FGD2: variants seen among roughly 807,000 people sequenced by gnomAD.
FGD2 encodes FYVE, RhoGEF and PH domain-containing protein 2.
Under a neutral mutation model 75.9 loss-of-function variants are expected in FGD2, and 52 were observed. The ratio of observed to expected loss-of-function variants is 0.69; its 90% CI spans 0.55 to 0.86. FGD2 has a LOEUF of 0.86. Ranked by LOEUF, FGD2 falls within the 40% of genes least tolerant of loss-of-function variation. The pLI, the probability that FGD2 is intolerant of heterozygous loss-of-function variation, is 0.00. For missense variants in FGD2, 790 were observed against 872.0 expected, an observed-to-expected ratio of 0.91 and a Z score of 1.18; for synonymous variants, 347 against 348.6, an observed-to-expected ratio of 1.00 and a Z score of 0.05.
chr6:37,026,045 A>G (rs1360987492), intron 14 of FGD2, 107 bp downstream of exon 14: 16 of 1,498,038 alleles, frequency 1.1e-5, no homozygotes, highest in Non-Finnish European at 1.3e-5. Context: ...CAAGCCAGCC[A>G]TGGTCACACC....
chr6:37,016,324 G>A (rs1361490391), intron 9 of FGD2, among the ~76,000 whole-genome samples: 1 of 152,146 alleles, frequency 6.6e-6, no homozygotes. Flanking sequence ...ATCCTGGGCA[G>A]TGTATGCTGA....
In FGD2 at chr6:37,008,870, G is replaced by A. The variant is rs1426569365; in HGVS notation, c.105G>A (p.Glu35=). The change falls in exon 2 of 16, where the codon GAG becomes GAA. Residue 35 remains glutamate (E), a synonymous_variant. Transcript: ENST00000274963. ...CAGCACCCAGAGGCCAGAGGCTAGA[G>A]GACGTGCATCACCGCCCTGAGTGCA... ...PEAAPRGQRL[E]DVHHRPECRP... 3 of 1,612,148 alleles carry A rather than the reference G, an allele frequency of 1.9e-6. No individual in the cohort carries two copies. The highest frequency in any genetic ancestry group is 2.5e-6 in the Non-Finnish European group (3 of 1,178,644).
intron 11 of FGD2, 65 bp downstream of exon 11, chr6:37,020,804 C>A: frequency 3.2e-6 from 5 of 1,545,464 alleles, no homozygotes; most frequent in Non-Finnish European, 4.4e-6. Context: ...TTTTTTCTTT[C>A]TTGGTACTAG....
intron 13 of FGD2, chr6:37,024,096 T>C (rs1220372457): frequency 6.6e-6 from 1 of 152,138 alleles, no homozygotes; most frequent in Non-Finnish European, 1.5e-5. Context: ...ATCCCAGCAC[T>C]TTGGGAGGCC....
At chr6:37,016,673 G>C (rs530607654) in intron 9 of FGD2, among the ~76,000 whole-genome samples, 6 of 151,760 alleles carry the variant, frequency 4.0e-5, no homozygotes, top group Admixed American at 3.9e-4. Context: ...AGCTGGGACT[G>C]TAGGCGCGAG....
At chr6:37,018,797 T>A (rs74604809) in intron 9 of FGD2, among the ~76,000 whole-genome samples, 2,488 of 152,344 alleles carry the variant, frequency 0.016, 24 homozygotes, top group Middle Eastern at 0.037. Flanking sequence ...TCCAACAATA[T>A]CTAGGTATTA....
chr6:37,024,737 C>G (rs1006534628), intron 13 of FGD2: 5 of 152,214 alleles, frequency 3.3e-5, no homozygotes, highest in African/African-American at 7.2e-5. Flanking sequence ...CCGTGTGGGG[C>G]TGTGCCCTGA....
In FGD2 at chr6:37,028,069, C is replaced by T. The variant is rs759208124; in HGVS notation, c.1874C>T (p.Thr625Met). 1.9e-6 allele frequency: 3 copies of T among 1,613,840 alleles called. No homozygotes were observed. The highest frequency in any genetic ancestry group is 2.2e-5 in the East Asian group (1 of 44,868). ...SGQLYTFKAE[T>M]EELKGRWVKA... Reference sequence around the variant, plus strand: ...CAGCTCTACACCTTCAAGGCCGAGACGGAGGAGCTGAAGGGCCGCTGGGTG... The same window carrying T: ...CAGCTCTACACCTTCAAGGCCGAGATGGAGGAGCTGAAGGGCCGCTGGGTG... Residue 625 changes from threonine to methionine, a missense_variant, in exon 16 of 16, where the codon ACG (threonine) becomes ATG (methionine). Transcript: ENST00000274963.
rs831502 is a variant in FGD2, at chr6:37,021,615, G to T, written c.1326+11G>T. The T allele has an allele frequency of 1.2e-6, 2 of 1,610,494 alleles. No individual in the cohort carries two copies. Among genetic ancestry groups the T allele is most frequent in the Non-Finnish European group, 1.7e-6 (2 of 1,177,838 alleles). ...ATCCAGGAGCAGGAGGTAAATGAAG[G>T]CTTTTTCATCCCTTGCTGGAGCCAC... On this transcript the variant is annotated intron_variant, in intron 12 of 15. Coordinates refer to ENST00000274963, the MANE Select transcript of FGD2 (RefSeq NM_173558.4).
chr6:37,026,174 A>G, intron 14 of FGD2: 2 of 985,400 alleles, frequency 2.0e-6, no homozygotes, highest in Non-Finnish European at 2.4e-6. Flanking sequence ...TGTCGTCCAC[A>G]TTCTTCTGCA....
chr6:37,020,424 T>C (rs1467493816), intron 9 of FGD2, 117 bp from the exon 10 acceptor site: 20 of 970,328 alleles, frequency 2.1e-5, no homozygotes, highest in Admixed American at 4.5e-5. Context: ...TCTGCATCCC[T>C]GTCTCTCGAA....
chr6:37,020,797 T>G, intron 11 of FGD2, 58 bp downstream of exon 11: 1 of 1,548,424 alleles, frequency 6.5e-7, no homozygotes, highest in Admixed American at 2.0e-5. Context: ...TTTTTCTTTT[T>G]TTCTTTCTTG....
At chr6:37,017,429 C>T (rs112257715) in intron 9 of FGD2, among the ~76,000 whole-genome samples, 2 of 152,216 alleles carry the variant, frequency 1.3e-5, no homozygotes, top group African/African-American at 4.8e-5. Flanking sequence ...AATGCTAGTT[C>T]GAGTGACCAA....
chr6:37,026,233 G>T, intron 14 of FGD2: 1 of 985,410 alleles, frequency 1.0e-6, no homozygotes, highest in Non-Finnish European at 1.2e-6. Flanking sequence ...GACAGCTCAT[G>T]TTCACGTCCC....
intron 4 of FGD2, among the ~76,000 whole-genome samples, chr6:37,012,408 T>C (rs1178962036): frequency 6.6e-6 from 1 of 152,044 alleles, no homozygotes. Context: ...AATAAACTGT[T>C]GTTTTTTTTT....
At chr6:37,007,258 G>A (rs1415083844) in intron 1 of FGD2, among the ~76,000 whole-genome samples, 1 of 152,218 alleles carries the variant, frequency 6.6e-6, no homozygotes, top group African/African-American at 2.4e-5. Flanking sequence ...GGCAGGCAAT[G>A]TTTCCTGTAG....
rs775453947 is a variant in FGD2, at chr6:37,015,025, G to C, written c.1016G>C (p.Arg339Pro). The C allele has an allele frequency of 6.2e-7, 1 of 1,613,398 alleles. No homozygotes were observed. The highest frequency in any genetic ancestry group is 8.5e-7 in the Non-Finnish European group (1 of 1,179,724). The change falls in exon 8 of 16, where the codon CGC becomes CCC. Residue 339 changes from arginine to proline, a missense_variant. Arg to Pro is a moderately radical substitution (Grantham distance 103). Coordinates refer to ENST00000274963, the MANE Select transcript of FGD2 (RefSeq NM_173558.4). ...ISFRRNDPME[R>P]YLFLFNNMLL... ...TTCCGCCGCAACGACCCCATGGAGC[G>C]CTACCTTTTCTTGGTAAGAGGGTGC...
rs767956722 is a variant in FGD2 at position 37,020,620 on chromosome 6, G to A, written c.1202G>A (p.Arg401Gln). ...CAGCGCACCCTGGAGCTGCAAGCCC[G>A]GTAAAGGAGCTGGGGTGGCGGCCCA... ...GKQRTLELQA[R>Q]SQEEMISWMQ... Residue 401 changes from arginine to glutamine, a missense_variant and splice_region_variant, in exon 10 of 16, where the codon CGG becomes CAG. Arg to Gln is a conservative substitution (Grantham distance 43). Coordinates refer to ENST00000274963, the MANE Select transcript of FGD2 (RefSeq NM_173558.4). The A allele has an allele frequency of 1.6e-5, 26 of 1,600,644 alleles. No homozygotes were observed. In the Admixed American group the frequency reaches 2.9e-4, roughly 18 times the overall value.
At chr6:37,026,545 T>G (rs953550090) in intron 14 of FGD2, among the ~76,000 whole-genome samples, 1 of 152,168 alleles carries the variant, frequency 6.6e-6, no homozygotes, top group Non-Finnish European at 1.5e-5. Flanking sequence ...GGGGTACAAC[T>G]GTGCTCAGCT....
Sources: allele counts gnomAD v4.1 joint callset (sites outside exome capture counted in the v4.1 genomes callset), GRCh38; gene constraint gnomAD v4.1.1; transcripts MANE v1.5; gene names NCBI Gene and HGNC (gene_info 2026-07-23, HGNC 2026-07-21).